Variants in PLPPR4 observed in about 807,000 individuals in gnomAD.
PLPPR4 encodes the protein phospholipid phosphatase related 4.
Under a neutral mutation model 56.6 loss-of-function variants are expected in PLPPR4, and 24 were observed. The ratio of observed to expected loss-of-function variants is 0.42; its 90% CI spans 0.31 to 0.60. The LOEUF (loss-of-function observed/expected upper bound fraction) is 0.60. PLPPR4 is among the 20% of genes least tolerant of loss of function. The probability of loss-of-function intolerance (pLI) is 0.13; values close to 1 mark genes in which losing one functional copy is unlikely to be tolerated. For synonymous variants in PLPPR4, 326 were observed against 328.1 expected (o/e 0.99, Z 0.07); for missense variants, 654 against 885.8 (o/e 0.74, Z 3.32).
At chr1:99,290,623 C>T (rs712883) in intron 2 of PLPPR4, among the ~76,000 whole-genome samples, 64,485 of 151,800 alleles carry the variant, frequency 0.42, 13,782 homozygotes, top group Admixed American at 0.46. Flanking sequence ...GAATAGGAAA[C>T]CTAGAAATAA....
chr1:99,307,184 G>A lies in PLPPR4; in HGVS notation c.*174G>A. 1.4e-6 allele frequency: 1 copy of A among 720,268 alleles called. No individual in the cohort carries two copies. The highest frequency in any genetic ancestry group is 2.9e-5 in the Admixed American group (1 of 34,356). 44.6% of individuals were successfully genotyped at this position (720,268 alleles called of 1,614,324 possible). The stretch of plus-strand genomic sequence containing the variant: ...AAACTTGCAGATCTCACATCAAGGA[G>A]AGGGAAAAGCACAATGCAAGAACCT... On this transcript the variant is annotated 3_prime_UTR_variant, in exon 7 of 7. Transcript: ENST00000370185.
At chr1:99,299,875 AT>A (rs1477776395) in intron 4 of PLPPR4, among the ~76,000 whole-genome samples, 1 of 152,034 alleles carries the variant, frequency 6.6e-6, no homozygotes, top group Non-Finnish European at 1.5e-5. Context: ...ATAAACTTAC[AT>A]GACAAGAGAT....
intron 1 of PLPPR4, among the ~76,000 whole-genome samples, chr1:99,278,901 A>G (rs1269660360): frequency 6.6e-6 from 1 of 152,216 alleles, no homozygotes; most frequent in Non-Finnish European, 1.5e-5. Flanking sequence ...TCTATTAATT[A>G]TCATTGCTAT....
intron 3 of PLPPR4, 96 bp from the exon 4 acceptor site, chr1:99,298,939 T>C (rs1181749393): frequency 3.4e-6 from 3 of 876,324 alleles, no homozygotes; most frequent in Admixed American, 1.9e-5. Context: ...ATGAACACAA[T>C]AGATTTTAAG....
At chr1:99,299,282 G>C in intron 4 of PLPPR4, 52 bp downstream of exon 4, 1 of 1,342,220 alleles carries the variant, frequency 7.5e-7, no homozygotes, top group Non-Finnish European at 1.1e-6. Context: ...TTATTCAATT[G>C]CTGCTTGGAG....
chr1:99,300,582 A>G (rs193091940), intron 4 of PLPPR4, among the ~76,000 whole-genome samples: 2 of 152,184 alleles, frequency 1.3e-5, no homozygotes, highest in East Asian at 3.9e-4. Context: ...TAGAACTGGT[A>G]TAATTCTTAC....
At chr1:99,268,433 G>A (rs1011880226) in intron 1 of PLPPR4, among the ~76,000 whole-genome samples, 1 of 152,226 alleles carries the variant, frequency 6.6e-6, no homozygotes, top group African/African-American at 2.4e-5. Flanking sequence ...ACCCCAATGG[G>A]CATTAGGCTG....
intron 1 of PLPPR4, among the ~76,000 whole-genome samples, chr1:99,265,203 A>G (rs982176072): frequency 1.3e-5 from 1 of 78,334 alleles, no homozygotes; most frequent in Non-Finnish European, 2.8e-5. Flanking sequence ...TACGCTTCTG[A>G]AATTGGATCT....
intron 1 of PLPPR4, among the ~76,000 whole-genome samples, chr1:99,277,963 A>C (rs1659233473): frequency 6.6e-6 from 1 of 152,184 alleles, no homozygotes; most frequent in East Asian, 1.9e-4. Flanking sequence ...CAATCCCACT[A>C]ATAGTGAAAA....
intron 1 of PLPPR4, among the ~76,000 whole-genome samples, chr1:99,283,732 C>A (rs1659391054): frequency 6.6e-6 from 1 of 152,166 alleles, no homozygotes; most frequent in Admixed American, 6.5e-5. Context: ...GGGCGGATCA[C>A]CGAGGTCAGG....
intron 1 of PLPPR4, among the ~76,000 whole-genome samples, chr1:99,287,252 GTATA>G (rs58463553): frequency 0.42 from 63,986 of 151,418 alleles, 13,532 homozygotes; most frequent in Admixed American, 0.46. Flanking sequence ...ATTCCATGGT[GTATA>G]TATATATACC....
At chr1:99,267,303 C>T (rs1422663225) in intron 1 of PLPPR4, among the ~76,000 whole-genome samples, 12 of 152,112 alleles carry the variant, frequency 7.9e-5, no homozygotes, top group African/African-American at 2.9e-4. Flanking sequence ...AACTTACACT[C>T]GAGCCAGAGG....
At chr1:99,305,346 C>A (rs1241495009) in intron 6 of PLPPR4, among the ~76,000 whole-genome samples, 3 of 152,056 alleles carry the variant, frequency 2.0e-5, no homozygotes, top group East Asian at 3.9e-4. Context: ...GTTCCTAAAT[C>A]CAGAAAAATG....
chr1:99,301,307 A>T (rs1232877150), intron 5 of PLPPR4, among the ~76,000 whole-genome samples: 1 of 152,038 alleles, frequency 6.6e-6, no homozygotes, highest in Non-Finnish European at 1.5e-5. Flanking sequence ...GTGCACACAC[A>T]CACACACACA....
At chr1:99,300,771 A>G in intron 4 of PLPPR4, 138 bp from the exon 5 acceptor site, 7 of 669,320 alleles carry the variant, frequency 1.0e-5, no homozygotes, top group Non-Finnish European at 1.6e-5. Flanking sequence ...TTCACCAGAA[A>G]GCTGGACAGA....
intron 1 of PLPPR4, among the ~76,000 whole-genome samples, chr1:99,273,821 T>A (rs1659115945): frequency 1.3e-5 from 2 of 152,146 alleles, no homozygotes; most frequent in Admixed American, 1.3e-4. Context: ...AATTTTTCTT[T>A]AACTGTCTTT....
chr1:99,298,954 T>A (rs747532123), intron 3 of PLPPR4, 81 bp from the exon 4 acceptor site: 1 of 933,854 alleles, frequency 1.1e-6, no homozygotes, highest in African/African-American at 1.6e-5. Context: ...TTTAAGATCT[T>A]AATTCACTAA....
At chr1:99,287,396 G>A (rs975516966) in intron 1 of PLPPR4, among the ~76,000 whole-genome samples, 5 of 151,990 alleles carry the variant, frequency 3.3e-5, no homozygotes, top group Admixed American at 2.6e-4. Flanking sequence ...TATTCCTTTG[G>A]GTATATACCC....
chr1:99,303,773 A>G (rs561550606), intron 6 of PLPPR4, among the ~76,000 whole-genome samples: 64 of 152,294 alleles, frequency 4.2e-4, no homozygotes, highest in Middle Eastern at 3.4e-3. Flanking sequence ...TCTCACTCGC[A>G]TGCATTCTTC....
Sources: allele counts gnomAD v4.1 joint callset (sites outside exome capture counted in the v4.1 genomes callset), GRCh38; gene constraint gnomAD v4.1.1; transcripts MANE v1.5; gene names NCBI Gene and HGNC (gene_info 2026-07-23, HGNC 2026-07-21).